Variants in LONP2 observed in about 807,000 individuals in gnomAD.
LONP2 encodes the protein lon peptidase 2, peroxisomal, also known as lon protease homolog 2, peroxisomal.
In LONP2, 60 loss-of-function variants were observed where a neutral mutation model predicts 85.6. The observed-to-expected ratio is 0.70, with a 90% CI of 0.57 to 0.87. The LOEUF is 0.87. LONP2 is among the 40% of genes least tolerant of loss of function. The probability of loss-of-function intolerance (pLI) is 0.00; values close to 1 mark genes in which losing one functional copy is unlikely to be tolerated. For synonymous variants in LONP2, 395 were observed against 389.7 expected (o/e 1.01, Z -0.16); for missense variants, 860 against 1,063.5 (o/e 0.81, Z 2.66).
chr16:48,361,492 A>G, downstream of LONP2: 1 of 1,362,950 alleles, frequency 7.3e-7, no homozygotes, highest in Non-Finnish European at 1.0e-6. Flanking sequence ...ACCTACCGAA[A>G]GAGTTTTAGG....
intron 8 of LONP2, among the ~76,000 whole-genome samples, chr16:48,279,635 A>G (rs1972285057): frequency 6.6e-6 from 1 of 152,188 alleles, no homozygotes. Context: ...TTAAGAAAAT[A>G]AACTTCCAGT....
At chr16:48,337,369 C>T (rs1222057415) in intron 12 of LONP2, among the ~76,000 whole-genome samples, 1 of 152,176 alleles carries the variant, frequency 6.6e-6, no homozygotes, top group African/African-American at 2.4e-5. Flanking sequence ...AGGCTGGGCT[C>T]AACTTGTTGA....
chr16:48,340,714 G>A lies in LONP2; in HGVS notation c.1938+6356G>A, dbSNP rs143692723. On this transcript the variant is annotated intron_variant, in intron 12 of 14. Transcript: ENST00000285737. ...GTGGCTCACGCCTGTAAATCCCAGCGCTTTGGGAGGCCAAGGTGGGCGGAT... is the reference window on the plus strand; with the variant it reads ...GTGGCTCACGCCTGTAAATCCCAGCACTTTGGGAGGCCAAGGTGGGCGGAT... Among the ~76,000 whole-genome samples the A allele has an allele frequency of 5.6e-3, 851 of 152,022 alleles. 7 individuals are homozygous for A. The highest frequency in any genetic ancestry group is 0.019 in the African/African-American group (791 of 41,478).
chr16:48,342,263 A>T (rs1959837760), intron 12 of LONP2, among the ~76,000 whole-genome samples: 1 of 152,200 alleles, frequency 6.6e-6, no homozygotes, highest in African/African-American at 2.4e-5. Flanking sequence ...AAGAGGATAG[A>T]CATGAAGACA....
At chr16:48,338,443 G>A (rs887336026) in intron 12 of LONP2, among the ~76,000 whole-genome samples, 1 of 152,192 alleles carries the variant, frequency 6.6e-6, no homozygotes, top group African/African-American at 2.4e-5. Flanking sequence ...ATGCTGATGG[G>A]AAACATTTGG....
intron 6 of LONP2, 30 bp downstream of exon 6, chr16:48,262,902 G>A (rs753801241): frequency 7.3e-7 from 1 of 1,364,412 alleles, no homozygotes; most frequent in South Asian, 1.2e-5. Context: ...CTGTTTTGCA[G>A]TCTAATTGTC....
chr16:48,319,409 T>G (rs1742062086), intron 11 of LONP2, among the ~76,000 whole-genome samples: 1 of 152,136 alleles, frequency 6.6e-6, no homozygotes, highest in African/African-American at 2.4e-5. Flanking sequence ...CTCTGTGCTT[T>G]GTGTAACTTT....
intron 11 of LONP2, among the ~76,000 whole-genome samples, chr16:48,325,306 C>T (rs1463672806): frequency 6.6e-6 from 1 of 152,164 alleles, no homozygotes; most frequent in Non-Finnish European, 1.5e-5. Context: ...CTGGTACTGA[C>T]CAGTCCACAG....
At chr16:48,338,322 A>C (rs941462932) in intron 12 of LONP2, among the ~76,000 whole-genome samples, 1 of 152,236 alleles carries the variant, frequency 6.6e-6, no homozygotes, top group Non-Finnish European at 1.5e-5. Flanking sequence ...CAAGTAAACA[A>C]ATAATCACAA....
intron 12 of LONP2, among the ~76,000 whole-genome samples, chr16:48,338,922 A>G (rs1303085588): frequency 6.6e-6 from 1 of 152,082 alleles, no homozygotes; most frequent in Non-Finnish European, 1.5e-5. Flanking sequence ...AAATAAAATA[A>G]AAGTTAGAAA....
intron 11 of LONP2, among the ~76,000 whole-genome samples, chr16:48,322,961 G>A (rs890245969): frequency 6.6e-6 from 1 of 152,186 alleles, no homozygotes; most frequent in African/African-American, 2.4e-5. Flanking sequence ...CAGGTCCGTT[G>A]TTGTCTTCTG....
At chr16:48,350,195 G>A (rs1302210825) in intron 14 of LONP2, among the ~76,000 whole-genome samples, 2 of 152,176 alleles carry the variant, frequency 1.3e-5, no homozygotes, top group Admixed American at 1.3e-4. Flanking sequence ...AGACCAGCCT[G>A]GCCAACATGG....
rs1022732079 is a variant in LONP2, at chr16:48,299,521, G to C, written c.1535-141G>C. 23 of 723,300 alleles carry C rather than the reference G, an allele frequency of 3.2e-5. No homozygotes were observed. The South Asian group carries it at 4.4e-4, about 14-fold the overall frequency. The allele number at this position is 723,300 out of a possible 1,614,324, so 44.8% of individuals were successfully genotyped here. ...CACTTGAACCTGAGAGGTGGAGGTTGTAGTGAGCCGAGATCACGCCACTGC... is the reference window on the plus strand; with the variant it reads ...CACTTGAACCTGAGAGGTGGAGGTTCTAGTGAGCCGAGATCACGCCACTGC... On this transcript the variant is annotated intron_variant, in intron 9 of 14. Coordinates refer to ENST00000285737, the MANE Select transcript of LONP2 (RefSeq NM_031490.5).
At position 48,356,707 on chromosome 16, in the gene LONP2, T is replaced by C. The variant is rs552615524; in HGVS notation, c.*4905T>C. 4.2e-5 allele frequency: 16 copies of C among 381,800 alleles called. No individual in the cohort carries two copies. Among genetic ancestry groups the C allele is most frequent in the African/African-American group, 3.4e-4 (16 of 47,474 alleles). 23.7% of individuals were successfully genotyped at this position (381,800 alleles called of 1,614,324 possible). A position where few individuals can be genotyped will look rare whatever the true frequency, so the allele number is the denominator to read the frequency against. ...AAGGTCTGAATAGACAACAGGCAAA[T>C]ATGGTGAGTGGTCATTGAGATGTTT... On this transcript the variant is annotated 3_prime_UTR_variant, in exon 15 of 15. Transcript: ENST00000285737.
chr16:48,315,829 T>G (rs1470898200), intron 11 of LONP2, among the ~76,000 whole-genome samples: 30 of 152,188 alleles, frequency 2.0e-4, no homozygotes, highest in South Asian at 2.1e-4. Flanking sequence ...TCTATTTTTT[T>G]TTTGTTTGTT....
At position 48,244,535 on chromosome 16, in the gene LONP2, C is replaced by T. The variant is rs372862691; in HGVS notation, c.147C>T (p.Gly49=). The T allele has an allele frequency of 2.5e-6, 4 of 1,568,960 alleles. No homozygotes were observed. Among genetic ancestry groups the T allele is most frequent in the Non-Finnish European group, 3.4e-6 (4 of 1,161,240 alleles). Residue 49 remains glycine, a synonymous_variant, in exon 1 of 15, where the codon GGC becomes GGT. Coordinates refer to ENST00000285737, the MANE Select transcript of LONP2 (RefSeq NM_031490.5). ...LQLVRSRLLK[G]TSLQSTILGV... ...TGGTGCGGAGCCGCCTTCTGAAGGG[C>T]ACGTCGCTGCAAAGCACCATCCTGG...
chr16:48,264,873 T>C (rs967173784), intron 6 of LONP2, among the ~76,000 whole-genome samples: 3 of 152,210 alleles, frequency 2.0e-5, no homozygotes, highest in African/African-American at 7.2e-5. Context: ...CGCAACACGC[T>C]GTACCAATTT....
intron 7 of LONP2, among the ~76,000 whole-genome samples, chr16:48,274,662 C>T (rs980447796): frequency 6.6e-6 from 1 of 151,076 alleles, no homozygotes; most frequent in Non-Finnish European, 1.5e-5. Flanking sequence ...ACCCACACAC[C>T]CACCCACACC....
intron 12 of LONP2, chr16:48,334,741 A>G (rs16946106): frequency 1.8e-6 from 1 of 545,056 alleles, no homozygotes; most frequent in Non-Finnish European, 3.7e-6. Flanking sequence ...ACTGCTGGTC[A>G]GGTAAGATGC....
Sources: gnomAD v4.1 joint callset for allele counts (sites outside exome capture counted in the v4.1 genomes callset) on GRCh38, gnomAD v4.1.1 for gene constraint, MANE v1.5 for transcripts, NCBI Gene and HGNC (gene_info 2026-07-23, HGNC 2026-07-21) for gene names.